NSMCE4A: variants seen among roughly 807,000 people sequenced by gnomAD.
NSMCE4A encodes the protein NSE4A component of SMC5/6 complex.
Under a neutral mutation model 47.9 loss-of-function variants are expected in NSMCE4A, and 40 were observed. That is an observed-to-expected ratio of 0.83 (90% CI 0.65 to 1.09). The LOEUF is 1.09. Among genes scored for constraint, NSMCE4A ranks in the 50% least tolerant of loss-of-function variants. The pLI, the probability that NSMCE4A is intolerant of heterozygous loss-of-function variation, is 0.00. For missense variants in NSMCE4A, 500 were observed against 507.0 expected (o/e 0.99, Z 0.13); for synonymous variants, 166 against 178.5 (o/e 0.93, Z 0.56).
intron 2 of NSMCE4A, among the ~76,000 whole-genome samples, chr10:121,972,796 T>C (rs1952739994): frequency 6.6e-6 from 1 of 152,130 alleles, no homozygotes; most frequent in Non-Finnish European, 1.5e-5. Context: ...TGATGAGAGT[T>C]AGCAAATGCG....
intron 2 of NSMCE4A, among the ~76,000 whole-genome samples, 165 bp downstream of exon 2, chr10:121,973,839 T>C (rs1169926411): frequency 6.6e-6 from 1 of 152,206 alleles, no homozygotes; most frequent in Non-Finnish European, 1.5e-5. Context: ...TATTATATGG[T>C]AAGTGCATAA....
chr10:121,975,137 G>A lies in NSMCE4A; in HGVS notation c.29C>T (p.Pro10Leu). Residue 10 changes from proline to leucine, a missense_variant, in exon 1 of 11, where the codon CCA becomes CTA. Transcript: ENST00000369023. MSGDSSGRGPEGRGRGRDPH... is the reference protein window; with the variant it reads MSGDSSGRGLEGRGRGRDPH... ...GTCGCGGCCCCGGCCCCGGCCCTCT[G>A]GCCCGCGGCCGCTGCTGTCCCCAGA... 1 of 1,409,928 alleles carries A rather than the reference G, an allele frequency of 7.1e-7. No homozygotes were observed. Among genetic ancestry groups the A allele is most frequent in the Non-Finnish European group, 9.1e-7 (1 of 1,094,070 alleles). The allele number at this position is 1,409,928 out of a possible 1,614,324, so 87.3% of individuals were successfully genotyped here.
Position 121,960,387 on chromosome 10 carries a change from C to A in NSMCE4A, c.959G>T (p.Arg320Ile). Residue 320 changes from arginine (R) to isoleucine (I), a missense_variant, in exon 8 of 11, where the codon AGA (arginine) becomes ATA (isoleucine). Transcript: ENST00000369023. The surrounding 1 kb of genome is among the most constrained non-coding windows in gnomAD (Gnocchi z 4.2). ...FIIRDGFARI[R>I]LDQDRLPVIE... ...TACTGGCAGTCGGTCTTGGTCAAGT[C>A]TTATTCTTGCAAAACCATCCTAAAA... 1 of 1,503,360 alleles carries A rather than the reference C, an allele frequency of 6.7e-7. No homozygotes were observed. Among genetic ancestry groups the A allele is most frequent in the South Asian group, 1.4e-5 (1 of 70,522 alleles). The allele number at this position is 1,503,360 out of a possible 1,614,324, so 93.1% of individuals were successfully genotyped here. A position where few individuals can be genotyped will look rare whatever the true frequency, so the allele number is the denominator to read the frequency against.
intron 3 of NSMCE4A, 70 bp from the exon 4 acceptor site, chr10:121,967,876 G>C: frequency 6.6e-7 from 1 of 1,505,318 alleles, no homozygotes; most frequent in Non-Finnish European, 9.0e-7. Context: ...CCAATAATCC[G>C]CATCACTCAA....
intron 2 of NSMCE4A, among the ~76,000 whole-genome samples, chr10:121,973,141 TAGG>T (rs1160612779): frequency 6.6e-6 from 1 of 150,524 alleles, no homozygotes; most frequent in East Asian, 2.0e-4. Flanking sequence ...GACGCTGAGG[TAGG>T]AGAATTGCTT....
chr10:121,974,353 A>G, intron 1 of NSMCE4A: 1 of 1,214,928 alleles, frequency 8.2e-7, no homozygotes, highest in Non-Finnish European at 1.0e-6. Context: ...AGTGCTCCAT[A>G]ACTGAGTGGT....
rs772993397 is a variant in NSMCE4A at position 121,967,677 on chromosome 10, T to C, written c.631A>G (p.Lys211Glu). The change falls in exon 4 of 11, where the codon AAA (lysine) becomes GAA (glutamate). Residue 211 changes from lysine to glutamate, a missense_variant. Coordinates refer to ENST00000369023, the MANE Select transcript of NSMCE4A (RefSeq NM_017615.3). ...TGRTAENTFN[K>E]THTFHFLLGS... ...TACAGAAAGTGGAATGTATGGGTTT[T>C]ATTAAAGGTGTTTTCTGCTGTTCTG... 32 of 1,611,416 alleles carry C rather than the reference T, an allele frequency of 2.0e-5. No individual in the cohort carries two copies. In the Admixed American group the frequency reaches 2.4e-4, roughly 12 times the overall value.
intron 2 of NSMCE4A, 134 bp from the exon 3 acceptor site, chr10:121,971,203 C>T (rs1952702891): frequency 2.5e-6 from 2 of 803,378 alleles, no homozygotes; most frequent in South Asian, 3.9e-5. Context: ...AGGCAACTGA[C>T]ACATCTCCTT....
intron 6 of NSMCE4A, among the ~76,000 whole-genome samples, chr10:121,962,609 A>G (rs1405751586): frequency 7.4e-5 from 4 of 53,810 alleles, no homozygotes; most frequent in African/African-American, 2.8e-4. Flanking sequence ...GAAAAAAAGA[A>G]AAAAACAAAC....
intron 6 of NSMCE4A, 58 bp from the exon 7 acceptor site, chr10:121,961,575 T>G (rs1325298571): frequency 2.0e-6 from 2 of 1,007,986 alleles, no homozygotes; most frequent in African/African-American, 3.4e-5. Flanking sequence ...ATCAGTACAC[T>G]CTAGCGTTAG....
At position 121,965,312 on chromosome 10, in the gene NSMCE4A, G is replaced by C. The variant is rs753582692; in HGVS notation, c.727C>G (p.Gln243Glu). 3 of 1,613,370 alleles carry C rather than the reference G, an allele frequency of 1.9e-6. No homozygotes were observed. The highest frequency in any genetic ancestry group is 1.7e-6 in the Non-Finnish European group (2 of 1,179,634). Residue 243 changes from glutamine (Q) to glutamate (E), a missense_variant, in exon 5 of 11, where the codon CAA becomes GAA. Transcript: ENST00000369023. ...VDRPRKVPVI[Q>E]EERAMPAQLR... is the part of the protein sequence containing the mutation. ...TGGGCAGGCATTGCCCTCTCCTCTT[G>C]TATCACAGGAACTTTTCTTGGACGA...
Position 121,960,519 on chromosome 10 carries a change from C to T in NSMCE4A, c.940-113G>A. The T allele has an allele frequency of 1.5e-6, 1 of 656,382 alleles. No individual in the cohort carries two copies. Among genetic ancestry groups the T allele is most frequent in the Non-Finnish European group, 2.5e-6 (1 of 395,982 alleles). 40.7% of individuals were successfully genotyped at this position (656,382 alleles called of 1,614,324 possible). ...CAGTATCTCAGAAAATCAAATTACA[C>T]CATAGCAATAATAAGGTGATGATAT... is the stretch of plus-strand genomic sequence containing the variant. On this transcript the variant is annotated intron_variant, in intron 7 of 10. Coordinates refer to ENST00000369023, the MANE Select transcript of NSMCE4A (RefSeq NM_017615.3). This position sits in a 1 kb window ranked among gnomAD's most constrained non-coding sequence, Gnocchi z 4.2.
In NSMCE4A at chr10:121,958,004, C is replaced by T. The variant is rs181171889; in HGVS notation, c.*13-745G>A. Among the ~76,000 whole-genome samples, 15 of 151,676 alleles carry T rather than the reference C, an allele frequency of 9.9e-5. No individual in the cohort carries two copies. In the East Asian group the frequency reaches 2.2e-3, roughly 22 times the overall value. ...CAGCACTTTGGGAGGCCGAGGCGGG[C>T]GGACCACAAGGTCAGGAGTTCAAGA... On this transcript the variant is annotated intron_variant, in intron 10 of 10. Transcript: ENST00000369023.
chr10:121,966,479 G>C (rs1031458321), intron 4 of NSMCE4A: 1 of 152,090 alleles, frequency 6.6e-6, no homozygotes, highest in Non-Finnish European at 1.5e-5. Flanking sequence ...CAAAGATTTA[G>C]ACTTTATCCT....
chr10:121,972,299 G>C (rs1031711740), intron 2 of NSMCE4A, among the ~76,000 whole-genome samples: 18 of 152,026 alleles, frequency 1.2e-4, no homozygotes, highest in African/African-American at 4.3e-4. Context: ...ACTCCAGCCT[G>C]GGCGACAGGT....
Position 121,965,311 on chromosome 10 carries a change from T to C in NSMCE4A, c.728A>G (p.Gln243Arg), listed in dbSNP as rs765887873. 43 of 1,613,680 alleles carry C rather than the reference T, an allele frequency of 2.7e-5. No individual in the cohort carries two copies. The Admixed American group carries it at 7.0e-4, about 26-fold the overall frequency. The change falls in exon 5 of 11, where the codon CAA becomes CGA. Residue 243 changes from glutamine to arginine, a missense_variant. By Grantham distance (43) the Gln-to-Arg change is conservative (BLOSUM62 1). Coordinates refer to ENST00000369023, the MANE Select transcript of NSMCE4A (RefSeq NM_017615.3). ...CTGGGCAGGCATTGCCCTCTCCTCT[T>C]GTATCACAGGAACTTTTCTTGGACG... is the stretch of plus-strand genomic sequence containing the variant. ...VDRPRKVPVI[Q>R]EERAMPAQLR...
intron 10 of NSMCE4A, among the ~76,000 whole-genome samples, chr10:121,958,536 A>T (rs1452606322): frequency 1.3e-5 from 2 of 152,218 alleles, no homozygotes; most frequent in African/African-American, 2.4e-5. Flanking sequence ...CTTATAAAAT[A>T]AGCAAATCTA....
At chr10:121,969,861 G>A (rs1328857049) in intron 3 of NSMCE4A, among the ~76,000 whole-genome samples, 1 of 152,036 alleles carries the variant, frequency 6.6e-6, no homozygotes, top group Non-Finnish European at 1.5e-5. Context: ...GATTACAGGC[G>A]CCTGCCACCA....
chr10:121,965,176 C>G, intron 5 of NSMCE4A, 110 bp downstream of exon 5: 1 of 620,276 alleles, frequency 1.6e-6, no homozygotes, highest in Non-Finnish European at 2.8e-6. Context: ...GTGACAAAAC[C>G]TGGCTCCAGA....
Sources: gnomAD v4.1 joint callset for allele counts (sites outside exome capture counted in the v4.1 genomes callset) on GRCh38, gnomAD v4.1.1 for gene constraint, Gnocchi (gnomAD v3.1) non-coding constraint, MANE v1.5 for transcripts, NCBI Gene and HGNC (gene_info 2026-07-23, HGNC 2026-07-21) for gene names.